The following LAMC2 variants were observed in gnomAD, a reference collection of about 807,000 sequenced individuals.
LAMC2 encodes the protein laminin subunit gamma 2, also known as laminin subunit gamma-2.
LAMC2 carries 97 observed loss-of-function variants against 140.2 expected under a neutral mutation model. The ratio of observed to expected loss-of-function variants is 0.69; its 90% confidence interval spans 0.59 to 0.82. The LOEUF is 0.82. LAMC2 is among the 40% of genes least tolerant of loss of function. The pLI is 0.00. For missense variants in LAMC2, 1,402 were observed against 1,476.1 expected, an observed-to-expected ratio of 0.95 and a Z score of 0.82; for synonymous variants, 513 against 540.2, an observed-to-expected ratio of 0.95 and a Z score of 0.70.
At chr1:183,211,782 A>G (rs553910095) in intron 2 of LAMC2, among the ~76,000 whole-genome samples, 55 of 152,278 alleles carry the variant, frequency 3.6e-4, no homozygotes, top group African/African-American at 1.3e-3. Flanking sequence ...TGCTGGTATT[A>G]CAAGCATGAG....
chr1:183,256,945 T>C, the LAMC2 span, among the ~76,000 whole-genome samples: 4 of 151,558 alleles, frequency 2.6e-5, no homozygotes, highest in Non-Finnish European at 4.4e-5. Context: ...AGAGATGGGG[T>C]TTAACCATAT....
At chr1:183,241,004 T>A (rs1228852334) in intron 22 of LAMC2, 1 of 155,236 alleles carries the variant, frequency 6.4e-6, no homozygotes, top group Non-Finnish European at 1.4e-5. Flanking sequence ...TTCTAGCACT[T>A]TGGGAGACTG....
rs1659696722 is a variant in LAMC2 at position 183,228,417 on chromosome 1, C to T, written c.1512C>T (p.Pro504=). ...GTGCTGATGGCTACTTTGGGGACCC[C>T]TTTGGTGAACATGGCCCAGTGAGGC... is the stretch of plus-strand genomic sequence containing the variant. The part of the protein sequence containing the change: ...ELCADGYFGD[P]FGEHGPVRPC... Residue 504 remains proline (P), a synonymous_variant, in exon 11 of 23, where the codon CCC becomes CCT. Transcript: ENST00000264144. This position sits in a 1 kb window ranked among gnomAD's most constrained non-coding sequence, Gnocchi z 4.3. 4.3e-6 allele frequency: 7 copies of T among 1,614,020 alleles called. No individual in the cohort carries two copies. The highest frequency in any genetic ancestry group is 5.1e-6 in the Non-Finnish European group (6 of 1,180,000).
intron 22 of LAMC2, among the ~76,000 whole-genome samples, chr1:183,241,925 T>C (rs564803318): frequency 3.3e-5 from 5 of 151,904 alleles, no homozygotes; most frequent in Non-Finnish European, 5.9e-5. Context: ...GAGAGCAGGG[T>C]AGATGGAAGC....
chr1:183,225,679 A>G lies in LAMC2; in HGVS notation c.1025A>G (p.Asn342Ser). 6.2e-7 allele frequency: 1 copy of G among 1,613,846 alleles called. No homozygotes were observed. The change falls in exon 8 of 23, where the codon AAT becomes AGT. Residue 342 changes from asparagine to serine, a missense_variant. Physicochemically the swap from Asn to Ser is conservative, Grantham distance 46. Around this residue, in one of 3 missense-constraint regions of LAMC2, gnomAD observed 723 missense variants for 783.3 expected, o/e 0.92. Transcript: ENST00000264144. ...TTTGAGTATCGAAGGTTACTGCGGA[A>G]TCTCACAGCCCTCCGCATCCGAGCT... is the stretch of plus-strand genomic sequence containing the variant. ...SYFEYRRLLR[N>S]LTALRIRATY...
Position 183,227,616 on chromosome 1 carries a change from C to G in LAMC2, c.1387C>G (p.Pro463Ala). Reference sequence around the variant, plus strand: ...CGACCCCCGCAGCTGCAAGCCATGTCCCTGTCATAACGGGTTCAGCTGCTC... The same window carrying G: ...CGACCCCCGCAGCTGCAAGCCATGTGCCTGTCATAACGGGTTCAGCTGCTC... The part of the protein sequence containing the change: ...PHDPRSCKPC[P>A]CHNGFSCSVM... The change falls in exon 10 of 23, where the codon CCC (proline) becomes GCC (alanine). Residue 463 changes from proline to alanine, a missense_variant. Transcript: ENST00000264144. 1 of 1,614,154 alleles carries G rather than the reference C, an allele frequency of 6.2e-7. No individual in the cohort carries two copies. Among genetic ancestry groups the G allele is most frequent in the Non-Finnish European group, 8.5e-7 (1 of 1,180,028 alleles).
intron 3 of LAMC2, among the ~76,000 whole-genome samples, chr1:183,216,701 C>G (rs1659271463): frequency 6.6e-6 from 1 of 152,162 alleles, no homozygotes; most frequent in Admixed American, 6.5e-5. Flanking sequence ...TGTTCTCACT[C>G]TGCTGTTTCA....
chr1:183,240,479 G>A (rs781230442), intron 22 of LAMC2, 88 bp downstream of exon 22: 191 of 1,557,346 alleles, frequency 1.2e-4, no homozygotes, highest in Non-Finnish European at 1.5e-4. Context: ...CCAGCAAAGG[G>A]GAGTCTCAGC....
chr1:183,255,386 G>T, the LAMC2 span, among the ~76,000 whole-genome samples: 1 of 151,924 alleles, frequency 6.6e-6, no homozygotes, highest in African/African-American at 2.4e-5. Context: ...AATTGCTTTG[G>T]CTATTCAGGG....
the LAMC2 span, chr1:183,252,825 C>T: frequency 1.0e-6 from 1 of 1,000,198 alleles, no homozygotes; most frequent in Non-Finnish European, 1.6e-6. Context: ...GTCTCCCCAG[C>T]ACCCCATTTG....
chr1:183,208,261 T>C (rs1335447074), intron 2 of LAMC2, among the ~76,000 whole-genome samples, 192 bp downstream of exon 2: 1 of 152,204 alleles, frequency 6.6e-6, no homozygotes, highest in East Asian at 1.9e-4. Context: ...TTGGTCTTTT[T>C]AGCAGTTTCA....
At chr1:183,256,745 T>C in the LAMC2 span, among the ~76,000 whole-genome samples, 2 of 152,178 alleles carry the variant, frequency 1.3e-5, no homozygotes, top group African/African-American at 2.4e-5. Flanking sequence ...TCAGAAATAT[T>C]GGCCTACAGT....
chr1:183,251,265 A>G, the LAMC2 span: 1 of 152,288 alleles, frequency 6.6e-6, no homozygotes, highest in South Asian at 2.1e-4. Context: ...AGGGGCTAGA[A>G]CCAACCACAG....
Position 183,220,839 on chromosome 1 carries a change from A to G in LAMC2, c.518A>G (p.Tyr173Cys). ...TGCCACTGCAGGTGTCGATCAGGTTACTATAATCTGGATGGGGGGAACCCT... is the reference window on the plus strand; with the variant it reads ...TGCCACTGCAGGTGTCGATCAGGTTGCTATAATCTGGATGGGGGGAACCCT... ...GERCDRCRSG[Y>C]YNLDGGNPEG... Residue 173 changes from tyrosine to cysteine, a missense_variant, in exon 5 of 23, where the codon TAC becomes TGC. Coordinates refer to ENST00000264144, the MANE Select transcript of LAMC2 (RefSeq NM_005562.3). 1 of 1,613,980 alleles carries G rather than the reference A, an allele frequency of 6.2e-7. No individual in the cohort carries two copies. Among genetic ancestry groups the G allele is most frequent in the Non-Finnish European group, 8.5e-7 (1 of 1,179,840 alleles).
At chr1:183,236,654 T>C in intron 17 of LAMC2, 50 bp downstream of exon 17, 1 of 1,600,014 alleles carries the variant, frequency 6.2e-7, no homozygotes, top group Non-Finnish European at 8.6e-7. Flanking sequence ...CCATAAATAC[T>C]TTCTTTTCTG....
At chr1:183,222,999 G>A in intron 6 of LAMC2, 136 bp from the exon 7 acceptor site, 1 of 746,956 alleles carries the variant, frequency 1.3e-6, no homozygotes, top group Non-Finnish European at 2.3e-6. Context: ...ACCAGGTCCT[G>A]ACTCTCCTAG....
intron 1 of LAMC2, among the ~76,000 whole-genome samples, chr1:183,207,075 A>T (rs1338393102): frequency 6.6e-6 from 1 of 152,218 alleles, no homozygotes; most frequent in African/African-American, 2.4e-5. Context: ...AAGATTCAGA[A>T]AATTGAAGTG....
rs1571545389 is a variant in LAMC2, at chr1:183,244,433, A to T, written c.*1033A>T. The T allele has an allele frequency of 6.6e-6, 1 of 152,168 alleles. No homozygotes were observed. Among genetic ancestry groups the T allele is most frequent in the African/African-American group, 2.4e-5 (1 of 41,418 alleles). The allele number at this position is 152,168 out of a possible 1,614,324, so 9.4% of individuals were successfully genotyped here. The stretch of plus-strand genomic sequence containing the variant: ...CATTACCTCCATCCATCCTTCCAAC[A>T]TATATTTATTGAGTACCTACTGTGT... On this transcript the variant is annotated 3_prime_UTR_variant, in exon 23 of 23. Coordinates refer to ENST00000264144, the MANE Select transcript of LAMC2 (RefSeq NM_005562.3).
At chr1:183,245,437 C>T (rs943616631), downstream of LAMC2, among the ~76,000 whole-genome samples, 1 of 152,158 alleles carries the variant, frequency 6.6e-6, no homozygotes, top group African/African-American at 2.4e-5. Context: ...CTATAATTAA[C>T]GACCAGTGCC....
Sources: allele counts gnomAD v4.1 joint callset (sites outside exome capture counted in the v4.1 genomes callset), GRCh38; gene constraint gnomAD v4.1.1; regional missense constraint gnomAD v4.1.1; non-coding constraint Gnocchi (gnomAD v3.1); transcripts MANE v1.5; gene names NCBI Gene and HGNC (gene_info 2026-07-23, HGNC 2026-07-21).